Variants in CFAP299 observed in about 807,000 individuals in gnomAD.
The protein encoded by CFAP299 is cilia and flagella associated protein 299.
A neutral mutation model predicts 27.0 loss-of-function variants in CFAP299; 21 were observed. That is an observed-to-expected ratio of 0.78 (90% confidence interval 0.55 to 1.12). CFAP299 has a LOEUF of 1.12. CFAP299 is among the 50% of genes most tolerant of loss of function. CFAP299 has a pLI of 0.00. For synonymous variants in CFAP299, 104 were observed against 98.1 expected (o/e 1.06, Z -0.36); for missense variants, 310 against 276.6 (o/e 1.12, Z -0.86).
chr4:80,947,482 A>C (rs1737535642), intron 5 of CFAP299, among the ~76,000 whole-genome samples: 1 of 152,150 alleles, frequency 6.6e-6, no homozygotes, highest in Admixed American at 6.6e-5. Context: ...AGTGGTCACA[A>C]CTAGAAGATA....
chr4:80,842,494 A>G (rs1730917820), intron 3 of CFAP299, among the ~76,000 whole-genome samples: 1 of 152,154 alleles, frequency 6.6e-6, no homozygotes, highest in Non-Finnish European at 1.5e-5. Context: ...TGTGATCAAT[A>G]AAATGGGGAT....
intron 1 of CFAP299, among the ~76,000 whole-genome samples, chr4:80,346,659 G>A (rs1722745580): frequency 6.6e-6 from 1 of 152,188 alleles, no homozygotes; most frequent in Non-Finnish European, 1.5e-5. Flanking sequence ...CCAGTACCAT[G>A]CTGTTTTGGT....
intron 3 of CFAP299, among the ~76,000 whole-genome samples, chr4:80,809,536 A>G (rs1729035344): frequency 6.6e-6 from 1 of 152,108 alleles, no homozygotes. Flanking sequence ...GTTGAAAATG[A>G]GTCATAATTG....
intron 4 of CFAP299, among the ~76,000 whole-genome samples, chr4:80,917,084 A>G (rs1735803338): frequency 6.6e-6 from 1 of 152,118 alleles, no homozygotes; most frequent in South Asian, 2.1e-4. Context: ...TAGGAAAAGG[A>G]AGGTAGGAGT....
At chr4:80,327,485 T>C in the CFAP299 span, among the ~76,000 whole-genome samples, 1 of 151,744 alleles carries the variant, frequency 6.6e-6, no homozygotes, top group Non-Finnish European at 1.5e-5. Flanking sequence ...TGACACGATC[T>C]GATATGCATT....
intron 2 of CFAP299, among the ~76,000 whole-genome samples, chr4:80,471,892 C>T (rs1206371229): frequency 2.0e-5 from 3 of 152,294 alleles, no homozygotes; most frequent in South Asian, 2.1e-4. Context: ...AGCACTGACC[C>T]GCGGCCATCC....
chr4:80,884,952 T>C (rs1578211612), intron 4 of CFAP299, among the ~76,000 whole-genome samples: 1 of 152,298 alleles, frequency 6.6e-6, no homozygotes, highest in East Asian at 1.9e-4. Flanking sequence ...AAAAGAAGCA[T>C]GGAAGAGGCT....
At position 80,403,321 on chromosome 4, in the gene CFAP299, G is replaced by A. The variant is rs143106946; in HGVS notation, c.242+40437G>A. On this transcript the variant is annotated intron_variant, in intron 2 of 5. Transcript: ENST00000358105. ...TTTAATAGAAATAGTTGCTCTTTGC[G>A]ATAAGCAAATAATCTTCAAGCAAAG... Among the ~76,000 whole-genome samples the A allele has an allele frequency of 6.2e-3, 941 of 152,248 alleles. 2 individuals are homozygous for A. The highest frequency in any genetic ancestry group is 0.024 in the Middle Eastern group (7 of 294).
intron 2 of CFAP299, among the ~76,000 whole-genome samples, chr4:80,574,237 T>G (rs13137135): frequency 0.93 from 141,374 of 152,094 alleles, 65,771 homozygotes; most frequent in East Asian, 1. Flanking sequence ...ATTAATTTTT[T>G]ATTTCTTTTT....
At chr4:80,808,685 G>A (rs554900396) in intron 3 of CFAP299, among the ~76,000 whole-genome samples, 21 of 152,218 alleles carry the variant, frequency 1.4e-4, no homozygotes, top group Admixed American at 1.2e-3. Flanking sequence ...TCCATGTGCT[G>A]CACATGTTAG....
chr4:80,576,989 G>C (rs1027616967), intron 2 of CFAP299, among the ~76,000 whole-genome samples: 3 of 152,138 alleles, frequency 2.0e-5, no homozygotes, highest in Non-Finnish European at 4.4e-5. Flanking sequence ...ATTACTCCCA[G>C]GGGAACCCCC....
intron 5 of CFAP299, among the ~76,000 whole-genome samples, chr4:80,958,856 T>C (rs993498384): frequency 4.6e-5 from 7 of 152,168 alleles, no homozygotes; most frequent in African/African-American, 1.7e-4. Context: ...CTGGTAGTTA[T>C]CTTCCATGAG....
intron 3 of CFAP299, among the ~76,000 whole-genome samples, chr4:80,736,668 T>C (rs1723899713): frequency 6.6e-6 from 1 of 152,116 alleles, no homozygotes; most frequent in Non-Finnish European, 1.5e-5. Flanking sequence ...AAACAGCAGG[T>C]GCTGGAGAGG....
chr4:80,682,734 C>T (rs1719922204), intron 3 of CFAP299, among the ~76,000 whole-genome samples: 2 of 152,252 alleles, frequency 1.3e-5, no homozygotes, highest in East Asian at 1.9e-4. Flanking sequence ...GCATTTAATG[C>T]CTATTCCTCT....
intron 2 of CFAP299, among the ~76,000 whole-genome samples, chr4:80,393,553 C>A (rs993713220): frequency 6.6e-6 from 1 of 152,016 alleles, no homozygotes; most frequent in South Asian, 2.1e-4. Context: ...TTTTACAGTA[C>A]CTTTTCTATG....
At chr4:80,399,080 A>G (rs900151144) in intron 2 of CFAP299, among the ~76,000 whole-genome samples, 3 of 152,250 alleles carry the variant, frequency 2.0e-5, no homozygotes, top group African/African-American at 7.2e-5. Context: ...GCCAGCAGAC[A>G]CATGAAAAAA....
rs1246138130 is a variant in CFAP299 at position 80,799,214 on chromosome 4, T to A, written c.334-70779T>A. ...ATTTATATAATATTTATATATATAT[T>A]GTATAAATATATTTATATAATATTT... On this transcript the variant is annotated intron_variant, in intron 3 of 5. Coordinates refer to ENST00000358105, the MANE Select transcript of CFAP299 (RefSeq NM_152770.3). 2.8e-4 allele frequency among the ~76,000 whole-genome samples: 31 copies of A among 109,914 alleles called. 2 individuals carry two copies. Among genetic ancestry groups the A allele is most frequent in the African/African-American group, 1.1e-3 (29 of 25,732 alleles). The allele number at this position is 109,914 out of a possible 152,430, so 72.1% of individuals were successfully genotyped here.
At chr4:80,410,409 A>G (rs1726663214) in intron 2 of CFAP299, among the ~76,000 whole-genome samples, 2 of 152,170 alleles carry the variant, frequency 1.3e-5, no homozygotes, top group Non-Finnish European at 2.9e-5. Context: ...CTGAGATTCT[A>G]TGCATGTGTT....
chr4:80,792,347 C>T (rs760655283), intron 3 of CFAP299, among the ~76,000 whole-genome samples: 21 of 151,874 alleles, frequency 1.4e-4, no homozygotes, highest in Non-Finnish European at 2.5e-4. Context: ...TTCTGAGTTG[C>T]GTTAGGATTT....
Sources: allele counts gnomAD v4.1 joint callset (sites outside exome capture counted in the v4.1 genomes callset), GRCh38; gene constraint gnomAD v4.1.1; transcripts MANE v1.5; gene names NCBI Gene and HGNC (gene_info 2026-07-23, HGNC 2026-07-21).